TAF1B: variants seen among roughly 807,000 people sequenced by gnomAD.
TAF1B encodes the protein TATA-box binding protein associated factor, RNA polymerase I subunit B, also known as TATA box-binding protein-associated factor RNA polymerase I subunit B.
In TAF1B, 61 loss-of-function variants were observed where a neutral mutation model predicts 83.9. That is an observed-to-expected ratio of 0.73 (90% CI 0.59 to 0.90). The LOEUF (loss-of-function observed/expected upper bound fraction) is 0.90. Ranked by LOEUF, TAF1B falls within the 40% of genes least tolerant of loss-of-function variation. TAF1B has a pLI of 0.00. For synonymous variants in TAF1B, 221 were observed against 224.6 expected (o/e 0.98, Z 0.14); for missense variants, 625 against 677.0 (o/e 0.92, Z 0.85).
chr2:9,876,584 C>A (rs979420431), intron 7 of TAF1B, among the ~76,000 whole-genome samples: 1 of 152,140 alleles, frequency 6.6e-6, no homozygotes, highest in Admixed American at 6.5e-5. Flanking sequence ...ACTTAATAGA[C>A]GTGCCAAAAT....
In TAF1B at chr2:9,870,025, A is replaced by G. The variant is rs777529716; in HGVS notation, c.553+1596A>G. Among the ~76,000 whole-genome samples, 154 of 152,314 alleles carry G rather than the reference A, an allele frequency of 1.0e-3. 5 individuals are homozygous for G. The highest frequency in any genetic ancestry group is 3.2e-4 in the Non-Finnish European group (22 of 68,032). ...CCAGAAAGTTTTTCTTCATGTATGT[A>G]TACGGAAAGAATTTATTTTGTTTTT... is the stretch of plus-strand genomic sequence containing the variant. On this transcript the variant is annotated intron_variant, in intron 6 of 14. Coordinates refer to ENST00000263663, the MANE Select transcript of TAF1B (RefSeq NM_005680.3).
chr2:9,924,312 G>C (rs1456001833), intron 14 of TAF1B, among the ~76,000 whole-genome samples: 1 of 152,118 alleles, frequency 6.6e-6, no homozygotes, highest in African/African-American at 2.4e-5. Context: ...CCCTGACTCT[G>C]CCCTTAGGCT....
At chr2:9,898,663 A>C (rs1436185970) in intron 8 of TAF1B, among the ~76,000 whole-genome samples, 8 of 152,226 alleles carry the variant, frequency 5.3e-5, no homozygotes, top group Non-Finnish European at 1.5e-5. Context: ...AGATTCTGGC[A>C]GGCTTCTTAT....
chr2:9,911,151 T>G (rs575192935), intron 10 of TAF1B, among the ~76,000 whole-genome samples: 2 of 152,374 alleles, frequency 1.3e-5, no homozygotes, highest in Non-Finnish European at 1.5e-5. Context: ...TGTCAGTTGT[T>G]TGATCATGTT....
intron 4 of TAF1B, among the ~76,000 whole-genome samples, chr2:9,852,561 C>T (rs956095799): frequency 2.6e-5 from 4 of 151,954 alleles, no homozygotes; most frequent in South Asian, 2.1e-4. Context: ...GCATGATCTT[C>T]GCTCACTGCA....
intron 12 of TAF1B, among the ~76,000 whole-genome samples, chr2:9,918,678 A>G (rs532394078): frequency 1.3e-5 from 2 of 152,270 alleles, no homozygotes; most frequent in Non-Finnish European, 2.9e-5. Context: ...GCAAAAAGGC[A>G]TTGGGACAAA....
rs75567727 is a variant in TAF1B, at chr2:9,847,581, A to G, written c.118-1792A>G. On this transcript the variant is annotated intron_variant, in intron 2 of 14. Coordinates refer to ENST00000263663, the MANE Select transcript of TAF1B (RefSeq NM_005680.3). Reference sequence around the variant, plus strand: ...CTGTCAAGCTCCAGACACGCTCTGCAATCTGGGAAAGGCCTTCCAGATTGA... The same window carrying G: ...CTGTCAAGCTCCAGACACGCTCTGCGATCTGGGAAAGGCCTTCCAGATTGA... Among the ~76,000 whole-genome samples the G allele has an allele frequency of 1.4e-3, 220 of 152,264 alleles. 4 individuals carry two copies. In the East Asian group the frequency reaches 0.039, roughly 27 times the overall value.
At chr2:9,932,039 C>T (rs1002245336) in intron 14 of TAF1B, among the ~76,000 whole-genome samples, 11 of 152,294 alleles carry the variant, frequency 7.2e-5, no homozygotes, top group Non-Finnish European at 1.6e-4. Flanking sequence ...GTCTTCTCTA[C>T]GCTGTTTGTT....
intron 10 of TAF1B, 86 bp downstream of exon 10, chr2:9,910,999 C>A (rs1665516380): frequency 1.5e-6 from 2 of 1,310,188 alleles, no homozygotes; most frequent in East Asian, 2.4e-5. Context: ...CATGAAGACA[C>A]TTTAAAAAAA....
chr2:9,865,815 G>A (rs1371766337), intron 5 of TAF1B, among the ~76,000 whole-genome samples: 3 of 151,320 alleles, frequency 2.0e-5, no homozygotes, highest in East Asian at 3.9e-4. Flanking sequence ...TGACAAACCT[G>A]ACAAAAACAA....
chr2:9,843,724 C>A, intron 1 of TAF1B, 165 bp downstream of exon 1: 1 of 679,548 alleles, frequency 1.5e-6, no homozygotes. Context: ...GCTGGCCGGC[C>A]GCATGCGCGC....
chr2:9,923,370 C>G (rs936947992), intron 14 of TAF1B, among the ~76,000 whole-genome samples: 1 of 151,936 alleles, frequency 6.6e-6, no homozygotes, highest in Non-Finnish European at 1.5e-5. Flanking sequence ...TGAGCTGCAT[C>G]TACAACGATT....
rs552738687 is a variant in TAF1B, at chr2:9,929,406, C to T, written c.1566-4377C>T. Reference sequence around the variant, plus strand: ...ATCTCCTGACCTCGTGATCCACCCACGTCAGCCTCCCAAAGTGCTGGGATT... The same window carrying T: ...ATCTCCTGACCTCGTGATCCACCCATGTCAGCCTCCCAAAGTGCTGGGATT... On this transcript the variant is annotated intron_variant, in intron 14 of 14. Coordinates refer to ENST00000263663, the MANE Select transcript of TAF1B (RefSeq NM_005680.3). Among the ~76,000 whole-genome samples, 14 of 152,270 alleles carry T rather than the reference C, an allele frequency of 9.2e-5. No individual in the cohort carries two copies. The East Asian group carries it at 1.7e-3, about 19-fold the overall frequency.
chr2:9,843,478 C>A lies in TAF1B; in HGVS notation c.-64C>A, dbSNP rs2125130928. On this transcript the variant is annotated 5_prime_UTR_variant, in exon 1 of 15. Coordinates refer to ENST00000263663, the MANE Select transcript of TAF1B (RefSeq NM_005680.3). ...CCGGCCGGAAGCTTCTCCAGCCTTT[C>A]CCGGAAGCTGCGCTCGCTACCCGGG... 2 of 1,514,408 alleles carry A rather than the reference C, an allele frequency of 1.3e-6. No individual in the cohort carries two copies. The highest frequency in any genetic ancestry group is 1.2e-5 in the South Asian group (1 of 82,124). 93.8% of individuals were successfully genotyped at this position (1,514,408 alleles called of 1,614,324 possible).
At chr2:9,886,687 T>G (rs538618022) in intron 8 of TAF1B, among the ~76,000 whole-genome samples, 35 of 152,212 alleles carry the variant, frequency 2.3e-4, no homozygotes, top group African/African-American at 7.9e-4. Flanking sequence ...GAGAGAGAGA[T>G]ATAATACACC....
At chr2:9,892,461 AC>A (rs1664900031) in intron 8 of TAF1B, among the ~76,000 whole-genome samples, 1 of 152,138 alleles carries the variant, frequency 6.6e-6, no homozygotes, top group African/African-American at 2.4e-5. Context: ...GTACCCTTTG[AC>A]CAACAACTCC....
chr2:9,924,121 T>C (rs749309769), intron 14 of TAF1B, among the ~76,000 whole-genome samples: 2 of 152,148 alleles, frequency 1.3e-5, no homozygotes, highest in Non-Finnish European at 2.9e-5. Flanking sequence ...CTGTATGAAG[T>C]TTCAGTGATA....
chr2:9,907,431 A>T (rs1287594075), intron 9 of TAF1B, among the ~76,000 whole-genome samples: 1 of 152,032 alleles, frequency 6.6e-6, no homozygotes, highest in East Asian at 1.9e-4. Flanking sequence ...TTACAAAGAG[A>T]GGGTTTAGGG....
chr2:9,901,627 T>C (rs1038137926), intron 8 of TAF1B, among the ~76,000 whole-genome samples: 1 of 152,168 alleles, frequency 6.6e-6, no homozygotes, highest in Non-Finnish European at 1.5e-5. Flanking sequence ...TAATTGCATC[T>C]CTTACCTGCA....
Sources: gnomAD v4.1 joint callset for allele counts (sites outside exome capture counted in the v4.1 genomes callset) on GRCh38, gnomAD v4.1.1 for gene constraint, MANE v1.5 for transcripts, NCBI Gene and HGNC (gene_info 2026-07-23, HGNC 2026-07-21) for gene names.